The following ZNF366 variants were observed in gnomAD, a reference collection of about 807,000 sequenced individuals.
ZNF366 encodes the protein dendritic cell-specific transcript protein.
A neutral mutation model predicts 47.2 loss-of-function variants in ZNF366; 20 were observed. The observed-to-expected ratio is 0.42, with a 90% CI of 0.30 to 0.62. ZNF366 has a LOEUF of 0.62. ZNF366 is among the 20% of genes least tolerant of loss of function. The pLI, the probability that ZNF366 is intolerant of heterozygous loss-of-function variation, is 0.16. For synonymous variants in ZNF366, 421 were observed against 395.1 expected (o/e 1.07, Z -0.78); for missense variants, 987 against 976.3 (o/e 1.01, Z -0.15).
At position 72,441,611 on chromosome 5, in the gene ZNF366, G is replaced by A. The variant is rs1387806737; in HGVS notation, c.*2145C>T. On this transcript the variant is annotated 3_prime_UTR_variant, in exon 5 of 5. Transcript: ENST00000318442. The stretch of plus-strand genomic sequence containing the variant: ...GCTGACAGGAGAAGCTTTAGGCAAG[G>A]TGGCAGGGGAAATGGGTCAGAGATG... 1.3e-5 allele frequency: 2 copies of A among 152,456 alleles called. No individual in the cohort carries two copies. Among genetic ancestry groups the A allele is most frequent in the Non-Finnish European group, 2.9e-5 (2 of 68,238 alleles). The allele number at this position is 152,456 out of a possible 1,614,324, so 9.4% of individuals were successfully genotyped here. A position where few individuals can be genotyped will look rare whatever the true frequency, so the allele number is the denominator to read the frequency against.
chr5:72,469,771 C>T (rs1277069602), intron 1 of ZNF366, among the ~76,000 whole-genome samples: 1 of 152,150 alleles, frequency 6.6e-6, no homozygotes, highest in Non-Finnish European at 1.5e-5. Context: ...TGGAGCCTGG[C>T]ACAGTGGCTC....
rs913121406 is a variant in ZNF366, at chr5:72,460,088, C to G, written c.1332+77G>C. The G allele has an allele frequency of 2.6e-6, 4 of 1,535,614 alleles. No homozygotes were observed. In the African/African-American group the frequency reaches 5.5e-5, roughly 21 times the overall value. ...TAAGGTGCAGAGCGGCACAGGCGTC[C>G]TGCTCCCCAGTGCTCTGCTCAGGGC... On this transcript the variant is annotated intron_variant, in intron 2 of 4. Transcript: ENST00000318442.
chr5:72,444,306 T>C lies in ZNF366; in HGVS notation c.1700-15A>G, dbSNP rs1312586047. On this transcript the variant is annotated splice_polypyrimidine_tract_variant and intron_variant, in intron 4 of 4. Transcript: ENST00000318442. Reference sequence around the variant, plus strand: ...CCTTCCCAGACCTGCAAGAGCAGAGTAAGAATTCATGCACCTGAGGAAATG... The same window carrying C: ...CCTTCCCAGACCTGCAAGAGCAGAGCAAGAATTCATGCACCTGAGGAAATG... The C allele has an allele frequency of 1.3e-6, 2 of 1,593,114 alleles. No individual in the cohort carries two copies. The highest frequency in any genetic ancestry group is 3.5e-5 in the Admixed American group (2 of 57,952).
At chr5:72,493,762 C>A (rs141447196) in intron 1 of ZNF366, 137 of 151,584 alleles carry the variant, frequency 9.0e-4, no homozygotes, top group African/African-American at 3.2e-3. Flanking sequence ...CATTTTTTTT[C>A]TTTTTTTCTT....
chr5:72,497,103 A>G (rs1475001138), intron 1 of ZNF366, among the ~76,000 whole-genome samples: 2 of 152,096 alleles, frequency 1.3e-5, no homozygotes, highest in African/African-American at 2.4e-5. Flanking sequence ...TTTTATTTTT[A>G]TAACGGTATC....
intron 1 of ZNF366, among the ~76,000 whole-genome samples, chr5:72,476,312 G>A (rs576972892): frequency 7.2e-4 from 109 of 152,204 alleles, no homozygotes; most frequent in African/African-American, 2.6e-3. Context: ...GGATCTCTTG[G>A]GTGGGAGTCA....
In ZNF366 at chr5:72,443,937, G is replaced by C. The variant is rs568787705; in HGVS notation, c.2054C>G (p.Ala685Gly). The change falls in exon 5 of 5, where the codon GCA (alanine) becomes GGA (glycine). Residue 685 changes from alanine (A) to glycine (G), a missense_variant. Ala to Gly is a moderately conservative substitution (Grantham distance 60, BLOSUM62 0). This residue lies in a region of ZNF366 where 285 missense variants were observed against 234.8 expected (regional missense o/e 1.21). Transcript: ENST00000318442. ...WEKRSKGDLGAEGGQERDCAG... is the reference protein window; with the variant it reads ...WEKRSKGDLGGEGGQERDCAG... ...ACAGTCTCTCTCCTGGCCGCCCTCT[G>C]CCCCAAGGTCACCCTTGCTCCTCTT... 1.1e-4 allele frequency: 172 copies of C among 1,614,170 alleles called. No homozygotes were observed. The highest frequency in any genetic ancestry group is 1.5e-4 in the African/African-American group (11 of 75,036).
intron 4 of ZNF366, among the ~76,000 whole-genome samples, chr5:72,446,794 G>A (rs1742970190): frequency 6.6e-6 from 1 of 152,176 alleles, no homozygotes; most frequent in East Asian, 1.9e-4. Context: ...TCACAGCAAA[G>A]TCATGAAGAG....
chr5:72,468,909 G>C (rs1743488699), intron 1 of ZNF366, among the ~76,000 whole-genome samples: 1 of 152,188 alleles, frequency 6.6e-6, no homozygotes, highest in Admixed American at 6.5e-5. Context: ...GCTCTAACTA[G>C]AATGTTAGAA....
chr5:72,464,798 T>C (rs535348356), intron 1 of ZNF366, among the ~76,000 whole-genome samples: 3 of 151,934 alleles, frequency 2.0e-5, no homozygotes, highest in Non-Finnish European at 4.4e-5. Context: ...CAATGGCTCA[T>C]GCCTGTAATC....
intron 4 of ZNF366, among the ~76,000 whole-genome samples, chr5:72,445,261 C>A (rs190259409): frequency 2.0e-5 from 3 of 152,094 alleles, no homozygotes; most frequent in Non-Finnish European, 2.9e-5. Flanking sequence ...AGGCTTTGAC[C>A]TTTGATGAGC....
intron 1 of ZNF366, among the ~76,000 whole-genome samples, chr5:72,491,640 C>T (rs1227025041): frequency 6.6e-6 from 1 of 152,094 alleles, no homozygotes; most frequent in Non-Finnish European, 1.5e-5. Context: ...AATTAAAGCA[C>T]CTGATACCAG....
chr5:72,444,060 G>A lies in ZNF366; in HGVS notation c.1931C>T (p.Thr644Ile). The change falls in exon 5 of 5, where the codon ACA becomes ATA. Residue 644 changes from threonine (T) to isoleucine (I), a missense_variant. Physicochemically the swap from Thr to Ile is moderately conservative, Grantham distance 89. Coordinates refer to ENST00000318442, the MANE Select transcript of ZNF366 (RefSeq NM_152625.3). Reference sequence around the variant, plus strand: ...CGACTTGGTGGACAGATCCTCGGGTGTGCAGAGCTGCTGGCTCTGGGGGGC... The same window carrying A: ...CGACTTGGTGGACAGATCCTCGGGTATGCAGAGCTGCTGGCTCTGGGGGGC... ...GLAPQSQQLCTPEDLSTKSEH... is the reference protein window; with the variant it reads ...GLAPQSQQLCIPEDLSTKSEH... 1.2e-6 allele frequency: 2 copies of A among 1,614,184 alleles called. No homozygotes were observed. Among genetic ancestry groups the A allele is most frequent in the East Asian group, 2.2e-5 (1 of 44,884 alleles).
chr5:72,456,481 A>G lies in ZNF366; in HGVS notation c.1447T>C (p.Tyr483His), dbSNP rs770375934. ...NIRAYQCHLC[Y>H]KSFVQKQTLK... ...GTCTGCTTCTGCACGAAGCTCTTGT[A>G]GCAGAGGTGACACTGGTAGGCGCGG... Residue 483 changes from tyrosine (Y) to histidine (H), a missense_variant, in exon 3 of 5, where the codon TAC becomes CAC. Tyr to His is a moderately conservative substitution (Grantham distance 83). Coordinates refer to ENST00000318442, the MANE Select transcript of ZNF366 (RefSeq NM_152625.3). The G allele has an allele frequency of 2.2e-5, 35 of 1,614,004 alleles. No homozygotes were observed. The highest frequency in any genetic ancestry group is 2.8e-5 in the Non-Finnish European group (33 of 1,179,888).
rs1459491249 is a variant in ZNF366, at chr5:72,441,848, A to G, written c.*1908T>C. The G allele has an allele frequency of 6.6e-6, 1 of 152,190 alleles. No homozygotes were observed. Among genetic ancestry groups the G allele is most frequent in the African/African-American group, 2.4e-5 (1 of 41,444 alleles). 9.4% of individuals were successfully genotyped at this position (152,190 alleles called of 1,614,324 possible). A position where few individuals can be genotyped will look rare whatever the true frequency, so the allele number is the denominator to read the frequency against. On this transcript the variant is annotated 3_prime_UTR_variant, in exon 5 of 5. Coordinates refer to ENST00000318442, the MANE Select transcript of ZNF366 (RefSeq NM_152625.3). ...TACCAAACAAGAAGTTTTTACATAAACAGACACAGTACCAGAGGGTTATTG... is the reference window on the plus strand; with the variant it reads ...TACCAAACAAGAAGTTTTTACATAAGCAGACACAGTACCAGAGGGTTATTG...
intron 1 of ZNF366, among the ~76,000 whole-genome samples, chr5:72,475,075 T>C (rs1743646392): frequency 6.6e-6 from 1 of 152,162 alleles, no homozygotes; most frequent in South Asian, 2.1e-4. Context: ...GGAGCTTCTT[T>C]GAGGAGGCTC....
Position 72,503,530 on chromosome 5 carries a change from TACACAC to T in ZNF366, c.-15+3715_-15+3720del, listed in dbSNP as rs34375286. Among the ~76,000 whole-genome samples the T allele has an allele frequency of 8.4e-3, 1,255 of 148,796 alleles. 8 individuals are homozygous for T. The highest frequency in any genetic ancestry group is 0.052 in the Middle Eastern group (15 of 290). ...AAACAAGCCCGTAGGTGAATTCTAATACACACACACACACACACACACACACGCACA... is the reference window on the plus strand; with the variant it reads ...AAACAAGCCCGTAGGTGAATTCTAATACACACACACACACACACACGCACA... On this transcript the variant is annotated intron_variant, in intron 1 of 4. Transcript: ENST00000318442.
intron 1 of ZNF366, among the ~76,000 whole-genome samples, chr5:72,468,657 A>G (rs1339264321): frequency 6.6e-6 from 1 of 152,246 alleles, no homozygotes; most frequent in African/African-American, 2.4e-5. Context: ...ACTAACTTGC[A>G]TAGGTTAAAA....
rs750775921 is a variant in ZNF366, at chr5:72,460,539, G to A, written c.958C>T (p.Gln320Ter). The change falls in exon 2 of 5, where the codon CAG becomes TAG. Residue 320 changes from glutamine to a stop codon, truncating the protein, a stop_gained. Transcript: ENST00000318442. LOFTEE classifies it high-confidence loss of function. ...ATGTGGCGCTTCAGGTGGCTGGTCT[G>A]GGTGAAGGCCTTGTGGCACACCTGG... ...KCQVCHKAFTQTSHLKRHMMQ... is the reference protein window; with the variant it reads ...KCQVCHKAFT 6.2e-7 allele frequency: 1 copy of A among 1,614,118 alleles called. No homozygotes were observed. The highest frequency in any genetic ancestry group is 1.7e-5 in the Admixed American group (1 of 60,034).
Sources: gnomAD v4.1 joint callset for allele counts (sites outside exome capture counted in the v4.1 genomes callset) on GRCh38, gnomAD v4.1.1 for gene constraint, gnomAD v4.1.1 regional missense constraint, MANE v1.5 for transcripts, NCBI Gene and HGNC (gene_info 2026-07-23, HGNC 2026-07-21) for gene names.